Variants in CSMD1 observed in about 807,000 individuals in gnomAD.
CSMD1 encodes CUB and sushi domain-containing protein 1.
A neutral mutation model predicts 417.5 loss-of-function variants in CSMD1; 213 were observed. The ratio of observed to expected loss-of-function variants is 0.51; its 90% CI spans 0.46 to 0.57. The LOEUF (loss-of-function observed/expected upper bound fraction) is 0.57. CSMD1 is among the 20% of genes least tolerant of loss of function. CSMD1 has a pLI of 0.00. For missense variants in CSMD1, 6,923 were observed against 4,529.7 expected (o/e 1.53, Z -15.17); for synonymous variants, 2,862 against 1,736.8 (o/e 1.65, Z -16.11).
intron 5 of CSMD1, among the ~76,000 whole-genome samples, chr8:3,824,066 T>C (rs1359809585): frequency 6.6e-6 from 1 of 152,152 alleles, no homozygotes; most frequent in Non-Finnish European, 1.5e-5. Flanking sequence ...TTCATCCTGG[T>C]GATTTGTAGA....
intron 3 of CSMD1, among the ~76,000 whole-genome samples, chr8:4,137,591 G>A (rs187821451): frequency 6.1e-5 from 8 of 131,086 alleles, no homozygotes; most frequent in East Asian, 4.0e-4. Flanking sequence ...GGAACTGGTT[G>A]GTTTGTAAGA....
At chr8:4,181,533 G>C (rs115720721) in intron 3 of CSMD1, among the ~76,000 whole-genome samples, 1 of 152,066 alleles carries the variant, frequency 6.6e-6, no homozygotes, top group African/African-American at 2.4e-5. Context: ...AATATTTTAA[G>C]AAAGTTTATG....
intron 1 of CSMD1, among the ~76,000 whole-genome samples, chr8:4,919,858 G>A (rs1414732172): frequency 6.6e-6 from 1 of 152,064 alleles, no homozygotes; most frequent in African/African-American, 2.4e-5. Context: ...TCTTTCATGT[G>A]AAGGGAGAGC....
chr8:3,674,725 C>G (rs1423466612), intron 7 of CSMD1, among the ~76,000 whole-genome samples: 1 of 152,044 alleles, frequency 6.6e-6, no homozygotes, highest in Non-Finnish European at 1.5e-5. Context: ...CTTGCTGATT[C>G]CAAGTCCCTG....
At chr8:4,528,603 G>A (rs572226520) in intron 2 of CSMD1, among the ~76,000 whole-genome samples, 21 of 152,262 alleles carry the variant, frequency 1.4e-4, no homozygotes, top group African/African-American at 5.1e-4. Flanking sequence ...TAAACATAAA[G>A]CAAAAGGAAA....
chr8:3,106,667 G>A (rs371471839), intron 45 of CSMD1, 26 bp from the exon 46 acceptor site: 1 of 1,466,458 alleles, frequency 6.8e-7, no homozygotes, highest in South Asian at 1.2e-5. Flanking sequence ...CAACAAACCA[G>A]GAAATTGTGT....
At chr8:3,793,722 G>C (rs540992883) in intron 5 of CSMD1, among the ~76,000 whole-genome samples, 1 of 152,102 alleles carries the variant, frequency 6.6e-6, no homozygotes, top group Non-Finnish European at 1.5e-5. Flanking sequence ...TTGTGGTCTT[G>C]TGCACTTTTT....
At chr8:3,559,330 T>C (rs11136641) in intron 10 of CSMD1, among the ~76,000 whole-genome samples, 48,901 of 152,166 alleles carry the variant, frequency 0.32, 8,206 homozygotes, top group East Asian at 0.48. Flanking sequence ...TTTCAAAGAC[T>C]AGGCATGGTC....
At chr8:3,438,467 C>G (rs1814720200) in intron 12 of CSMD1, among the ~76,000 whole-genome samples, 1 of 152,160 alleles carries the variant, frequency 6.6e-6, no homozygotes, top group Non-Finnish European at 1.5e-5. Context: ...CTACTAATCT[C>G]TTCTCTCTTC....
At chr8:4,179,275 G>A (rs10111606) in intron 3 of CSMD1, among the ~76,000 whole-genome samples, 103,338 of 152,034 alleles carry the variant, frequency 0.68, 35,583 homozygotes, top group Non-Finnish European at 0.73. Context: ...ATAATGCCAC[G>A]TATCTACAAC....
intron 51 of CSMD1, among the ~76,000 whole-genome samples, chr8:3,019,433 C>T (rs1357548348): frequency 6.6e-6 from 1 of 152,216 alleles, no homozygotes; most frequent in South Asian, 2.1e-4. Flanking sequence ...ATTTTCTTCA[C>T]CAAAGCCCAT....
intron 6 of CSMD1, among the ~76,000 whole-genome samples, chr8:3,708,780 C>A (rs1228366281): frequency 6.6e-6 from 1 of 152,192 alleles, no homozygotes; most frequent in Admixed American, 6.5e-5. Flanking sequence ...CTAGGAGTGG[C>A]AGATTCCACC....
chr8:3,723,092 T>C (rs929264506), intron 6 of CSMD1, among the ~76,000 whole-genome samples: 1 of 152,178 alleles, frequency 6.6e-6, no homozygotes, highest in African/African-American at 2.4e-5. Flanking sequence ...AAGAATCCTT[T>C]TTGACATTCA....
intron 3 of CSMD1, among the ~76,000 whole-genome samples, chr8:4,129,351 G>T (rs754389784): frequency 6.6e-6 from 1 of 152,018 alleles, no homozygotes; most frequent in Non-Finnish European, 1.5e-5. Flanking sequence ...GAACCTTCTT[G>T]AATGCATTCC....
In CSMD1 at chr8:4,780,873, T is replaced by C. The variant is rs139370267; in HGVS notation, c.86-143315A>G. On this transcript the variant is annotated intron_variant, in intron 1 of 69. Coordinates refer to ENST00000635120, the MANE Select transcript of CSMD1 (RefSeq NM_033225.6). ...CTTAAAACAATAATCTCCAATCTCATCCAGTTCACTGAAAACGCTGTTCAT... is the reference window on the plus strand; with the variant it reads ...CTTAAAACAATAATCTCCAATCTCACCCAGTTCACTGAAAACGCTGTTCAT... Among the ~76,000 whole-genome samples the C allele has an allele frequency of 4.4e-4, 67 of 152,336 alleles. 1 individual carries two copies. The East Asian group carries it at 0.013, about 28-fold the overall frequency.
intron 2 of CSMD1, among the ~76,000 whole-genome samples, chr8:4,563,019 G>C (rs1470086382): frequency 6.6e-6 from 1 of 152,112 alleles, no homozygotes. Flanking sequence ...GAAAATTCCG[G>C]TGTTTTAAAC....
rs565895469 is a variant in CSMD1 at position 4,153,469 on chromosome 8, A to G, written c.416-121370T>C. 6.6e-5 allele frequency among the ~76,000 whole-genome samples: 10 copies of G among 152,350 alleles called. No homozygotes were observed. The East Asian group carries it at 1.7e-3, about 26-fold the overall frequency. On this transcript the variant is annotated intron_variant, in intron 3 of 69. Transcript: ENST00000635120. ...GATGAGCCAGTGGATAAGGTTCTGC[A>G]GCTCTGCTTCCCAGTCTTTCTGACA...
chr8:3,829,013 CCTTT>C (rs1005780794), intron 5 of CSMD1, among the ~76,000 whole-genome samples: 9 of 152,038 alleles, frequency 5.9e-5, no homozygotes, highest in African/African-American at 1.7e-4. Flanking sequence ...TCTACAATCA[CCTTT>C]CTTTTTTTTT....
intron 1 of CSMD1, among the ~76,000 whole-genome samples, chr8:4,736,806 C>T (rs940660133): frequency 2.0e-5 from 3 of 152,156 alleles, no homozygotes; most frequent in Non-Finnish European, 2.9e-5. Context: ...CAAGTGCCTT[C>T]ACTTCCCCAC....
Sources: allele counts gnomAD v4.1 joint callset (sites outside exome capture counted in the v4.1 genomes callset), GRCh38; gene constraint gnomAD v4.1.1; transcripts MANE v1.5; gene names NCBI Gene and HGNC (gene_info 2026-07-23, HGNC 2026-07-21).